MAP4K4: variants seen among roughly 807,000 people sequenced by gnomAD.
MAP4K4 encodes the protein HPK/GCK-like kinase HGK.
A neutral mutation model predicts 189.6 loss-of-function variants in MAP4K4; 38 were observed. That is an observed-to-expected ratio of 0.20 (90% confidence interval 0.15 to 0.26). The LOEUF is 0.26. Ranked by LOEUF, MAP4K4 falls within the 10% of genes least tolerant of loss-of-function variation. The pLI is 1.00. For synonymous variants in MAP4K4, 610 were observed against 624.3 expected (o/e 0.98, Z 0.34); for missense variants, 1,054 against 1,726.9 (o/e 0.61, Z 6.91).
intron 2 of MAP4K4, among the ~76,000 whole-genome samples, chr2:101,774,897 C>G (rs1249708820): frequency 1.3e-5 from 2 of 152,028 alleles, no homozygotes; most frequent in East Asian, 1.9e-4. Flanking sequence ...GGGCAGCCCC[C>G]GAAGGACTTC....
At chr2:101,883,597 A>G (rs1198845324) in intron 28 of MAP4K4, among the ~76,000 whole-genome samples, 1 of 152,230 alleles carries the variant, frequency 6.6e-6, no homozygotes, top group Non-Finnish European at 1.5e-5. Context: ...TTAAAGTTTT[A>G]TAGGAAAGAT....
At chr2:101,821,370 A>T (rs2096046976) in intron 3 of MAP4K4, among the ~76,000 whole-genome samples, 1 of 152,162 alleles carries the variant, frequency 6.6e-6, no homozygotes, top group South Asian at 2.1e-4. Context: ...CCATCATCAG[A>T]GTGTGTTTAT....
At chr2:101,792,048 T>C (rs1177371839) in intron 3 of MAP4K4, among the ~76,000 whole-genome samples, 1 of 152,186 alleles carries the variant, frequency 6.6e-6, no homozygotes, top group Non-Finnish European at 1.5e-5. Flanking sequence ...TAAAATATTA[T>C]TTTAAGGTGA....
At position 101,834,325 on chromosome 2, in the gene MAP4K4, C is replaced by T. The variant is rs552185114; in HGVS notation, c.640-84C>T. ...GCAAATTTCCTTTTGGTTTATATAG[C>T]AAAGTTGTGTGAATACCCAGACATG... On this transcript the variant is annotated intron_variant, in intron 7 of 32. Coordinates refer to ENST00000324219, the Ensembl canonical transcript of MAP4K4. 9.6e-6 allele frequency: 10 copies of T among 1,036,340 alleles called. No homozygotes were observed. The East Asian group carries it at 2.3e-4, about 24-fold the overall frequency. 64.2% of individuals were successfully genotyped at this position (1,036,340 alleles called of 1,614,324 possible). A position where few individuals can be genotyped will look rare whatever the true frequency, so the allele number is the denominator to read the frequency against.
intron 2 of MAP4K4, among the ~76,000 whole-genome samples, chr2:101,727,399 C>T (rs777268197): frequency 9.2e-5 from 14 of 152,194 alleles, no homozygotes; most frequent in Non-Finnish European, 1.8e-4. Flanking sequence ...TTAATATAAT[C>T]TCAAAATACC....
intron 12 of MAP4K4, among the ~76,000 whole-genome samples, chr2:101,849,371 C>T (rs1284694267): frequency 6.6e-6 from 1 of 152,118 alleles, no homozygotes; most frequent in Non-Finnish European, 1.5e-5. Flanking sequence ...TCAAGCAATC[C>T]ACCCGCCTCA....
intron 8 of MAP4K4, 22 bp downstream of exon 8, chr2:101,834,485 T>G: frequency 6.3e-7 from 1 of 1,590,114 alleles, no homozygotes; most frequent in Non-Finnish European, 8.6e-7. Flanking sequence ...TCTTTTCTTT[T>G]TAGCTCACTT....
chr2:101,795,343 T>C (rs935573799), intron 3 of MAP4K4, among the ~76,000 whole-genome samples: 8 of 152,224 alleles, frequency 5.3e-5, no homozygotes, highest in African/African-American at 1.7e-4. Flanking sequence ...TTGTATTTAT[T>C]AGTCAACAAC....
At chr2:101,833,957 T>C (rs1473677640) in intron 7 of MAP4K4, among the ~76,000 whole-genome samples, 1 of 152,194 alleles carries the variant, frequency 6.6e-6, no homozygotes, top group Non-Finnish European at 1.5e-5. Context: ...CTTTAAACTT[T>C]AAAATCTTAA....
chr2:101,834,501 A>G (rs1031114215), intron 8 of MAP4K4, 38 bp downstream of exon 8: 2 of 1,542,188 alleles, frequency 1.3e-6, no homozygotes, highest in Non-Finnish European at 1.8e-6. Context: ...CACTTGTTAC[A>G]TGTGACTTAA....
intron 12 of MAP4K4, among the ~76,000 whole-genome samples, chr2:101,849,850 C>T (rs958865528): frequency 1.3e-5 from 2 of 151,930 alleles, no homozygotes; most frequent in Admixed American, 6.5e-5. Flanking sequence ...GGGAATATAG[C>T]AATACCCCAT....
chr2:101,699,224 T>A (rs2036682944), intron 2 of MAP4K4, among the ~76,000 whole-genome samples: 1 of 152,182 alleles, frequency 6.6e-6, no homozygotes, highest in African/African-American at 2.4e-5. Context: ...ATGCCCTGGT[T>A]TACACCCACC....
chr2:101,697,961 A>G, exon 1 of MAP4K4: 1 of 412,400 alleles, frequency 2.4e-6, no homozygotes, highest in Non-Finnish European at 3.7e-6. Context: ...CCGCGAGGAG[A>G]GTACCGGGCC....
chr2:101,718,483 G>A (rs1269488529), intron 2 of MAP4K4, among the ~76,000 whole-genome samples: 3 of 150,472 alleles, frequency 2.0e-5, no homozygotes, highest in Admixed American at 1.3e-4. Flanking sequence ...CCAGGGTTTC[G>A]ACAGGTTTGG....
At chr2:101,885,312 A>G in intron 29 of MAP4K4, 25 bp downstream of exon 29, 1 of 1,403,866 alleles carries the variant, frequency 7.1e-7, no homozygotes, top group South Asian at 1.2e-5. Flanking sequence ...TGAATTTAAA[A>G]GTAGTATTGG....
At chr2:101,788,103 C>CTT (rs112653226) in intron 2 of MAP4K4, among the ~76,000 whole-genome samples, 6 of 145,474 alleles carry the variant, frequency 4.1e-5, no homozygotes, top group Admixed American at 2.1e-4. Context: ...TTCACCTGGC[C>CTT]TTTTTTTTTT....
chr2:101,835,506 T>G (rs1049048445), intron 8 of MAP4K4, among the ~76,000 whole-genome samples: 3 of 152,214 alleles, frequency 2.0e-5, no homozygotes, highest in African/African-American at 7.2e-5. Context: ...CTGTGCTCAT[T>G]CTGTTCCAGG....
At chr2:101,749,616 T>C (rs1204126763) in intron 2 of MAP4K4, among the ~76,000 whole-genome samples, 1 of 143,152 alleles carries the variant, frequency 7.0e-6, no homozygotes. Context: ...ACTTCATGTC[T>C]AAAACACCAA....
At chr2:101,785,949 C>T (rs1030778640) in intron 2 of MAP4K4, among the ~76,000 whole-genome samples, 16 of 152,028 alleles carry the variant, frequency 1.1e-4, no homozygotes, top group Non-Finnish European at 2.4e-4. Flanking sequence ...CTCAGCCTCC[C>T]CGAGTAGCTG....
Sources: allele counts gnomAD v4.1 joint callset (sites outside exome capture counted in the v4.1 genomes callset), GRCh38; gene constraint gnomAD v4.1.1; transcripts MANE v1.5; gene names NCBI Gene and HGNC (gene_info 2026-07-23, HGNC 2026-07-21).